Variants in CAP1 observed in about 807,000 individuals in gnomAD.
The protein encoded by CAP1 is adenylyl cyclase-associated protein 1.
In CAP1, 11 loss-of-function variants were observed where a neutral mutation model predicts 58.2. The ratio of observed to expected loss-of-function variants is 0.19; its 90% CI spans 0.12 to 0.31. The LOEUF (loss-of-function observed/expected upper bound fraction) is 0.31. Ranked by LOEUF, CAP1 falls within the 10% of genes least tolerant of loss-of-function variation. The pLI is 1.00. For synonymous variants in CAP1, 183 were observed against 213.8 expected (o/e 0.86, Z 1.26); for missense variants, 423 against 587.5 (o/e 0.72, Z 2.89).
At position 40,070,203 on chromosome 1, in the gene CAP1, G is replaced by A; in HGVS notation, c.1038G>A (p.Glu346=). 2 of 1,614,200 alleles carry A rather than the reference G, an allele frequency of 1.2e-6. No individual in the cohort carries two copies. The highest frequency in any genetic ancestry group is 1.7e-5 in the Admixed American group (1 of 60,030). Residue 346 remains glutamate (E), a synonymous_variant, in exon 10 of 13, where the codon GAG becomes GAA. Coordinates refer to ENST00000372805, the MANE Select transcript of CAP1 (RefSeq NM_006367.4). ...NVSNLVIEDT[E]LKQVAYIYKC... is the part of the protein sequence containing the mutation. ...CCAACCTGGTGATTGAGGACACAGA[G>A]CTGAAACAGGTGGCTTACATATACA... is the stretch of plus-strand genomic sequence containing the variant.
At chr1:40,048,456 T>A (rs1403547313) in intron 1 of CAP1, among the ~76,000 whole-genome samples, 1 of 152,254 alleles carries the variant, frequency 6.6e-6, no homozygotes, top group Non-Finnish European at 1.5e-5. Context: ...TGGTAGCATG[T>A]GTAGGTTTTA....
In CAP1 at chr1:40,061,804, C is replaced by G; in HGVS notation, c.286C>G (p.Pro96Ala). The change falls in exon 4 of 13, where the codon CCA (proline) becomes GCA (alanine). Residue 96 changes from proline to alanine, a missense_variant. Physicochemically the swap from Pro to Ala is conservative, Grantham distance 27 (BLOSUM62 -1). Transcript: ENST00000372805. ...LLVTASQCQQ[P>A]AENKLSDLLA... ...GGTTACAGCTTCTCAGTGTCAACAG[C>G]CAGCAGAAGTAAGTTCACTACTAGC... 1 of 1,613,322 alleles carries G rather than the reference C, an allele frequency of 6.2e-7. No homozygotes were observed. The highest frequency in any genetic ancestry group is 8.5e-7 in the Non-Finnish European group (1 of 1,179,266).
At chr1:40,064,651 A>G in intron 6 of CAP1, 92 bp downstream of exon 6, 1 of 947,004 alleles carries the variant, frequency 1.1e-6, no homozygotes, top group Non-Finnish European at 1.7e-6. Flanking sequence ...ATCACAGCTC[A>G]TTGCAGCCTC....
intron 1 of CAP1, among the ~76,000 whole-genome samples, chr1:40,051,133 A>G (rs1303263975): frequency 6.6e-6 from 1 of 152,226 alleles, no homozygotes; most frequent in East Asian, 1.9e-4. Context: ...CTGAACTCTC[A>G]GAGCATGTAG....
chr1:40,041,140 A>C (rs577313820), intron 1 of CAP1, among the ~76,000 whole-genome samples: 2 of 152,208 alleles, frequency 1.3e-5, no homozygotes, highest in South Asian at 4.1e-4. Flanking sequence ...CATTGCACTG[A>C]TAGGTAAATT....
At chr1:40,040,392 CTTCTG>C (rs1645756884), upstream of CAP1, 1 of 152,378 alleles carries the variant, frequency 6.6e-6, no homozygotes, top group South Asian at 2.1e-4. Context: ...ACTGGTCACT[CTTCTG>C]TTCTTTCCAG....
At chr1:40,063,662 A>G (rs999276108) in intron 4 of CAP1, among the ~76,000 whole-genome samples, 3 of 152,242 alleles carry the variant, frequency 2.0e-5, no homozygotes, top group Non-Finnish European at 4.4e-5. Context: ...AGCAGCTACT[A>G]TATGGCTGGC....
At chr1:40,060,351 C>G (rs1570396117) in intron 3 of CAP1, among the ~76,000 whole-genome samples, 181 bp downstream of exon 3, 1 of 152,116 alleles carries the variant, frequency 6.6e-6, no homozygotes. Flanking sequence ...AACGATTCCT[C>G]ATTTTTTTCT....
At position 40,052,965 on chromosome 1, in the gene CAP1, C is replaced by G. The variant is rs566963049; in HGVS notation, c.-10-6372C>G. 6.6e-5 allele frequency among the ~76,000 whole-genome samples: 10 copies of G among 152,180 alleles called. No homozygotes were observed. The East Asian group carries it at 1.8e-3, about 27-fold the overall frequency. On this transcript the variant is annotated intron_variant, in intron 1 of 12. Coordinates refer to ENST00000372805, the MANE Select transcript of CAP1 (RefSeq NM_006367.4). ...ATTGGCCAGGCATGGTGGCTCACGC[C>G]TGTAATCCCAGCACTTTGGGAGGCC...
intron 1 of CAP1, among the ~76,000 whole-genome samples, chr1:40,057,656 A>G (rs3122416): frequency 0.66 from 100,512 of 151,920 alleles, 34,071 homozygotes; most frequent in Non-Finnish European, 0.74. Context: ...TATCTCTTCC[A>G]CAGGGAGGAC....
At chr1:40,049,503 G>A (rs1283573572) in intron 1 of CAP1, among the ~76,000 whole-genome samples, 3 of 151,974 alleles carry the variant, frequency 2.0e-5, no homozygotes, top group East Asian at 1.9e-4. Flanking sequence ...GAGCCACTGC[G>A]CCAGGCCTGG....
At chr1:40,049,776 T>C (rs116324700) in intron 1 of CAP1, among the ~76,000 whole-genome samples, 4,791 of 152,300 alleles carry the variant, frequency 0.031, 95 homozygotes, top group Non-Finnish European at 0.045. Flanking sequence ...TTGCCCTAAC[T>C]AGAACATGCC....
chr1:40,061,753 G>A lies in CAP1; in HGVS notation c.235G>A (p.Gly79Ser). 1 of 1,614,084 alleles carries A rather than the reference G, an allele frequency of 6.2e-7. No homozygotes were observed. The highest frequency in any genetic ancestry group is 8.5e-7 in the Non-Finnish European group (1 of 1,179,950). The change falls in exon 4 of 13, where the codon GGT (glycine) becomes AGT (serine). Residue 79 changes from glycine to serine, a missense_variant. Physicochemically the swap from Gly to Ser is moderately conservative, Grantham distance 56. Coordinates refer to ENST00000372805, the MANE Select transcript of CAP1 (RefSeq NM_006367.4). ...VQKHAEMVHT[G>S]LKLERALLVT... ...CTGGCAGGCGGAGATGGTCCACACA[G>A]GTTTGAAGTTGGAGCGAGCTCTGTT...
intron 6 of CAP1, 99 bp downstream of exon 6, chr1:40,064,658 C>A: frequency 1.2e-6 from 1 of 859,810 alleles, no homozygotes; most frequent in Non-Finnish European, 1.9e-6. Context: ...CTCATTGCAG[C>A]CTCAACCTCC....
chr1:40,052,001 C>T (rs1253609556), intron 1 of CAP1, among the ~76,000 whole-genome samples: 1 of 151,976 alleles, frequency 6.6e-6, no homozygotes, highest in Non-Finnish European at 1.5e-5. Flanking sequence ...AGGGGAGGGA[C>T]CATGTGTCTT....
chr1:40,042,681 C>CA (rs1427196900), intron 1 of CAP1, among the ~76,000 whole-genome samples: 1 of 152,116 alleles, frequency 6.6e-6, no homozygotes, highest in Non-Finnish European at 1.5e-5. Context: ...ATGATGTCGT[C>CA]AGATTTATAT....
rs756078402 is a variant in CAP1, at chr1:40,069,722, C to G, written c.841C>G (p.His281Asp). ...ACATGTATCTGATGACATGAAGACT[C>G]ACAAGAACCCTGCCCTGAAGGCTCA... ...LKHVSDDMKT[H>D]KNPALKAQSG... The change falls in exon 9 of 13, where the codon CAC (histidine) becomes GAC (aspartate). Residue 281 changes from histidine (H) to aspartate (D), a missense_variant. Physicochemically the swap from His to Asp is moderately conservative, Grantham distance 81 (BLOSUM62 -1). Coordinates refer to ENST00000372805, the MANE Select transcript of CAP1 (RefSeq NM_006367.4). 21 of 1,613,630 alleles carry G rather than the reference C, an allele frequency of 1.3e-5. No individual in the cohort carries two copies. The highest frequency in any genetic ancestry group is 1.8e-5 in the Non-Finnish European group (21 of 1,179,856).
chr1:40,051,138 A>G (rs1250301618), intron 1 of CAP1, among the ~76,000 whole-genome samples: 1 of 152,188 alleles, frequency 6.6e-6, no homozygotes, highest in Non-Finnish European at 1.5e-5. Flanking sequence ...CTCTCAGAGC[A>G]TGTAGTAATT....
At chr1:40,047,653 A>G (rs1179279480) in intron 1 of CAP1, among the ~76,000 whole-genome samples, 4 of 152,222 alleles carry the variant, frequency 2.6e-5, no homozygotes, top group East Asian at 3.8e-4. Context: ...CTTACACGCT[A>G]TAAAACATGT....
Sources: allele counts gnomAD v4.1 joint callset (sites outside exome capture counted in the v4.1 genomes callset), GRCh38; gene constraint gnomAD v4.1.1; transcripts MANE v1.5; gene names NCBI Gene and HGNC (gene_info 2026-07-23, HGNC 2026-07-21).